The following UBR4 variants were observed in gnomAD, a reference collection of about 807,000 sequenced individuals.
UBR4 encodes E3 ubiquitin-protein ligase UBR4.
In UBR4, 124 loss-of-function variants were observed where a neutral mutation model predicts 575.6. The observed-to-expected ratio is 0.22, with a 90% CI of 0.19 to 0.25. UBR4 has a LOEUF of 0.25. UBR4 is among the 10% of genes least tolerant of loss of function. UBR4 has a pLI of 1.00. For synonymous variants in UBR4, 2,455 were observed against 2,473.7 expected (o/e 0.99, Z 0.22); for missense variants, 4,818 against 6,478.8 (o/e 0.74, Z 8.80).
intron 39 of UBR4, 132 bp from the exon 40 acceptor site, chr1:19,158,129 C>A: frequency 1.2e-6 from 1 of 853,166 alleles, no homozygotes; most frequent in African/African-American, 1.7e-5. Flanking sequence ...GCCTCCAAAC[C>A]GTGGATGGCT....
Position 19,093,484 on chromosome 1 carries a change from T to A in UBR4, c.13940A>T (p.Tyr4647Phe), listed in dbSNP as rs1259144402. 6.2e-7 allele frequency: 1 copy of A among 1,613,954 alleles called. No individual in the cohort carries two copies. The highest frequency in any genetic ancestry group is 8.5e-7 in the Non-Finnish European group (1 of 1,179,990). Residue 4647 changes from tyrosine to phenylalanine, a missense_variant and splice_region_variant, in exon 96 of 106, where the codon TAT (tyrosine) becomes TTT (phenylalanine). Physicochemically the swap from Tyr to Phe is conservative, Grantham distance 22. Transcript: ENST00000375254. This position sits in a 1 kb window ranked among gnomAD's most constrained non-coding sequence, Gnocchi z 4.8. ...ATCATCACCACTGTGATCTTCATCA[T>A]ATCTAGGAGGAAAGAGCAGAGTTTG... ...RFKPYCNFDKYDEDHSGDDKV... is the reference protein window; with the variant it reads ...RFKPYCNFDKFDEDHSGDDKV...
chr1:19,204,100 G>A (rs1249253800), intron 1 of UBR4, among the ~76,000 whole-genome samples: 2 of 152,170 alleles, frequency 1.3e-5, no homozygotes, highest in Middle Eastern at 3.2e-3. Context: ...CCAGGTTCAA[G>A]CGATTCTCCT....
In UBR4 at chr1:19,089,379, G is replaced by A. The variant is rs574853147; in HGVS notation, c.14212-402C>T. Among the ~76,000 whole-genome samples, 90 of 152,298 alleles carry A rather than the reference G, an allele frequency of 5.9e-4. No homozygotes were observed. The highest frequency in any genetic ancestry group is 9.4e-4 in the Non-Finnish European group (64 of 68,026). On this transcript the variant is annotated intron_variant, in intron 97 of 105. Coordinates refer to ENST00000375254, the MANE Select transcript of UBR4 (RefSeq NM_020765.3). This position sits in a 1 kb window ranked among gnomAD's most constrained non-coding sequence, Gnocchi z 4.3. ...AGTGGTGAACCAGCAGCCAGAGCAG[G>A]CACTGGACGTTCTCCTAAGGACCTG... is the stretch of plus-strand genomic sequence containing the variant.
Position 19,157,850 on chromosome 1 carries a change from G to T in UBR4, c.5725C>A (p.Arg1909Ser). The T allele has an allele frequency of 6.2e-7, 1 of 1,614,176 alleles. No individual in the cohort carries two copies. The highest frequency in any genetic ancestry group is 8.5e-7 in the Non-Finnish European group (1 of 1,179,990). The change falls in exon 40 of 106, where the codon CGC (arginine) becomes AGC (serine). Residue 1909 changes from arginine (R) to serine (S), a missense_variant. Arg to Ser is a moderately radical substitution (Grantham distance 110). Around this residue, in one of 29 missense-constraint regions of UBR4, gnomAD observed 461 missense variants for 606.9 expected, o/e 0.76. Coordinates refer to ENST00000375254, the MANE Select transcript of UBR4 (RefSeq NM_020765.3). This position sits in a 1 kb window ranked among gnomAD's most constrained non-coding sequence, Gnocchi z 4.4. ...TCATGGCTGACAGCCAAATGTTGGC[G>T]GCGCCCATGGGGAGAGGAGAGCACA... ...MCVLSSPHGR[R>S]QHLAVSHEKG...
intron 54 of UBR4, among the ~76,000 whole-genome samples, chr1:19,144,525 C>T (rs1469153825): frequency 1.3e-5 from 2 of 152,158 alleles, no homozygotes; most frequent in African/African-American, 2.4e-5. Context: ...CACAATTCAC[C>T]GAGTTACCTA....
At chr1:19,126,320 C>A (rs1344526819) in intron 64 of UBR4, 126 bp downstream of exon 64, 5 of 1,126,024 alleles carry the variant, frequency 4.4e-6, no homozygotes, top group African/African-American at 3.1e-5. Flanking sequence ...TTAACCCCCA[C>A]CAAGGAATGC....
In UBR4 at chr1:19,152,546, C is replaced by T; in HGVS notation, c.6833-70G>A. On this transcript the variant is annotated intron_variant, in intron 46 of 105. Transcript: ENST00000375254. This position sits in a 1 kb window ranked among gnomAD's most constrained non-coding sequence, Gnocchi z 4.4. ...GCCCCAACACCACTGGTAAAGACTC[C>T]TCCCAGACAGAGCCCACACTCACAC... 6.3e-7 allele frequency: 1 copy of T among 1,590,128 alleles called. No homozygotes were observed. The highest frequency in any genetic ancestry group is 8.6e-7 in the Non-Finnish European group (1 of 1,164,744).
chr1:19,205,442 A>C lies in UBR4; in HGVS notation c.177-3627T>G, dbSNP rs187894065. On this transcript the variant is annotated intron_variant, in intron 1 of 105. Coordinates refer to ENST00000375254, the MANE Select transcript of UBR4 (RefSeq NM_020765.3). ...CCCTCATCAGTTTCATGTACTCTCT[A>C]GTATATATAGAATCCATTATGCTTA... is the stretch of plus-strand genomic sequence containing the variant. Among the ~76,000 whole-genome samples the C allele has an allele frequency of 2.6e-3, 399 of 152,304 alleles. 2 individuals carry two copies. The highest frequency in any genetic ancestry group is 8.9e-3 in the African/African-American group (370 of 41,572).
rs1199950362 is a variant in UBR4, at chr1:19,152,349, C to T, written c.6960G>A (p.Arg2320=). Residue 2320 remains arginine, a synonymous_variant, in exon 47 of 106, where the codon CGG becomes CGA. Transcript: ENST00000375254. This position sits in a 1 kb window ranked among gnomAD's most constrained non-coding sequence, Gnocchi z 4.4. ...QVYNAQQIKH[R]LNSTGMYVAN... ...CCACATACATGCCAGTGGAATTCAG[C>T]CGGTGTTTTATCTGTTGTGCATTAT... 1 of 1,613,938 alleles carries T rather than the reference C, an allele frequency of 6.2e-7. No individual in the cohort carries two copies. Among genetic ancestry groups the T allele is most frequent in the Non-Finnish European group, 8.5e-7 (1 of 1,179,850 alleles).
At chr1:19,165,374 T>C (rs1363300650) in intron 30 of UBR4, 25 bp from the exon 31 acceptor site, 13 of 1,572,514 alleles carry the variant, frequency 8.3e-6, no homozygotes, top group Non-Finnish European at 1.1e-5. Context: ...GGGAGAAAAA[T>C]GGAAAGAATC....
intron 56 of UBR4, 30 bp from the exon 57 acceptor site, chr1:19,141,554 A>G (rs763184368): frequency 6.3e-7 from 1 of 1,597,838 alleles, no homozygotes; most frequent in Non-Finnish European, 8.5e-7. Context: ...TCAGTGTCCC[A>G]TGGTAAGTGG....
chr1:19,105,167 C>T lies in UBR4; in HGVS notation c.12526G>A (p.Ala4176Thr), dbSNP rs200946401. The stretch of plus-strand genomic sequence containing the variant: ...AGGTACTCAGCTGCACACTCCCCAG[C>T]TATGCTCAGCTCATCCAGGTAACTG... ...LTSYLDELSIAGECAAEYLAL... is the reference protein window; with the variant it reads ...LTSYLDELSITGECAAEYLAL... The change falls in exon 85 of 106, where the codon GCT becomes ACT. Residue 4176 changes from alanine to threonine, a missense_variant. Physicochemically the swap from Ala to Thr is moderately conservative, Grantham distance 58. Coordinates refer to ENST00000375254, the MANE Select transcript of UBR4 (RefSeq NM_020765.3). 4 of 1,613,568 alleles carry T rather than the reference C, an allele frequency of 2.5e-6. No individual in the cohort carries two copies. The highest frequency in any genetic ancestry group is 3.4e-6 in the Non-Finnish European group (4 of 1,179,790).
chr1:19,129,434 T>C (rs1188365068), intron 60 of UBR4, among the ~76,000 whole-genome samples: 1 of 152,226 alleles, frequency 6.6e-6, no homozygotes, highest in Non-Finnish European at 1.5e-5. Context: ...TTTTTTCTAA[T>C]ATGTGGCCCT....
At position 19,084,594 on chromosome 1, in the gene UBR4, G is replaced by A. The variant is rs2076829987; in HGVS notation, c.14918C>T (p.Ser4973Leu). ...GCCCCCGCCAGTGTCTGCGCTGAAC[G>A]ACTGCTCCATGGCGAAGCGCAGGAA... ...LLFLRFAMEQSFSADTGGGGR... is the reference protein window; with the variant it reads ...LLFLRFAMEQLFSADTGGGGR... The change falls in exon 102 of 106, where the codon TCG becomes TTG. Residue 4973 changes from serine (S) to leucine (L), a missense_variant. By Grantham distance (145) the Ser-to-Leu change is moderately radical. Transcript: ENST00000375254. 1.2e-6 allele frequency: 2 copies of A among 1,614,138 alleles called. No individual in the cohort carries two copies. Among genetic ancestry groups the A allele is most frequent in the South Asian group, 1.1e-5 (1 of 91,078 alleles).
At chr1:19,077,414 G>T (rs1027429621) in intron 104 of UBR4, among the ~76,000 whole-genome samples, 2 of 152,174 alleles carry the variant, frequency 1.3e-5, no homozygotes, top group Admixed American at 1.3e-4. Context: ...GAGCAGGCTC[G>T]GGAGCAGGTG....
chr1:19,134,892 A>C (rs2083019645), intron 60 of UBR4, among the ~76,000 whole-genome samples: 1 of 152,188 alleles, frequency 6.6e-6, no homozygotes, highest in Admixed American at 6.5e-5. Flanking sequence ...TACCTAACTG[A>C]AATCTTAATA....
intron 60 of UBR4, among the ~76,000 whole-genome samples, chr1:19,134,954 T>C (rs1171761953): frequency 6.6e-6 from 1 of 152,264 alleles, no homozygotes; most frequent in South Asian, 2.1e-4. Flanking sequence ...TAGTCCAGTT[T>C]ATAGGTTTTT....
In UBR4 at chr1:19,087,891, G is replaced by A. The variant is rs1018279304; in HGVS notation, c.14469C>T (p.Leu4823=). The A allele has an allele frequency of 6.2e-7, 1 of 1,610,386 alleles. No homozygotes were observed. The highest frequency in any genetic ancestry group is 1.1e-5 in the South Asian group (1 of 90,228). ...EKGQVVTKTA[L]LKQMEELIEE... is the part of the protein sequence containing the mutation. ...CGATCAGCTCTTCCATCTGCTTCAGGAGTGCTGTCTTGGTCACGACCTGGC... is the reference window on the plus strand; with the variant it reads ...CGATCAGCTCTTCCATCTGCTTCAGAAGTGCTGTCTTGGTCACGACCTGGC... Residue 4823 remains leucine (L), a synonymous_variant, in exon 99 of 106, where the codon CTC becomes CTT. Transcript: ENST00000375254.
At chr1:19,186,449 T>C (rs1375337160) in intron 14 of UBR4, 91 bp downstream of exon 14, 2 of 1,163,964 alleles carry the variant, frequency 1.7e-6, no homozygotes, top group African/African-American at 1.5e-5. Flanking sequence ...TGGAAACTTT[T>C]GTTTGGTCAG....
Sources: allele counts gnomAD v4.1 joint callset (sites outside exome capture counted in the v4.1 genomes callset), GRCh38; gene constraint gnomAD v4.1.1; regional missense constraint gnomAD v4.1.1; non-coding constraint Gnocchi (gnomAD v3.1); transcripts MANE v1.5; gene names NCBI Gene and HGNC (gene_info 2026-07-23, HGNC 2026-07-21).